The following CYP2R1 variants were observed in gnomAD, a reference collection of about 807,000 sequenced individuals.
CYP2R1 encodes the protein vitamin D 25-hydroxylase.
CYP2R1 carries 40 observed loss-of-function variants against 45.7 expected under a neutral mutation model. The observed-to-expected ratio is 0.87, with a 90% CI of 0.68 to 1.14. The LOEUF (loss-of-function observed/expected upper bound fraction) is 1.14, where lower values mean the gene tolerates loss of function less well. Ranked by LOEUF, CYP2R1 falls within the 50% of genes most tolerant of loss-of-function variation. The pLI is 0.00. For synonymous variants in CYP2R1, 234 were observed against 219.3 expected (o/e 1.07, Z -0.59); for missense variants, 605 against 602.6 (o/e 1.00, Z -0.04).
In CYP2R1 at chr11:14,892,174, G is replaced by T. The variant is rs370739004; in HGVS notation, c.32C>A (p.Ala11Glu). Residue 11 changes from alanine to glutamate, a missense_variant, in exon 1 of 5, where the codon GCG becomes GAG. Coordinates refer to ENST00000334636, the MANE Select transcript of CYP2R1 (RefSeq NM_024514.5). Reference sequence around the variant, plus strand: ...GAAGAGCGCGCCGCCGAGCGCCGCCGCGCCCTCTTCAGCTCTCCAAAGCTT... The same window carrying T: ...GAAGAGCGCGCCGCCGAGCGCCGCCTCGCCCTCTTCAGCTCTCCAAAGCTT... MWKLWRAEEG[A>E]AALGGALFLL... 6.2e-7 allele frequency: 1 copy of T among 1,610,672 alleles called. No individual in the cohort carries two copies. Among genetic ancestry groups the T allele is most frequent in the African/African-American group, 1.3e-5 (1 of 74,890 alleles).
Position 14,878,111 on chromosome 11 carries a change from C to G in CYP2R1, c.*11G>C, listed in dbSNP as rs1555010209. 6.2e-7 allele frequency: 1 copy of G among 1,612,618 alleles called. No individual in the cohort carries two copies. Among genetic ancestry groups the G allele is most frequent in the Non-Finnish European group, 8.5e-7 (1 of 1,179,194 alleles). ...TATACATTCTTGTTCCCGAAAACATCCCAGGCAGTTTCAGCGTCTTTCAGC... is the reference window on the plus strand; with the variant it reads ...TATACATTCTTGTTCCCGAAAACATGCCAGGCAGTTTCAGCGTCTTTCAGC... On this transcript the variant is annotated 3_prime_UTR_variant, in exon 5 of 5. Transcript: ENST00000334636.
At chr11:14,886,022 G>T in intron 1 of CYP2R1, 105 bp from the exon 2 acceptor site, 1 of 1,138,514 alleles carries the variant, frequency 8.8e-7, no homozygotes, top group South Asian at 1.3e-5. Flanking sequence ...GATTTGTTAC[G>T]TCCCTGAAAA....
At chr11:14,888,304 A>G (rs1413606123) in intron 1 of CYP2R1, among the ~76,000 whole-genome samples, 1 of 152,230 alleles carries the variant, frequency 6.6e-6, no homozygotes, top group Non-Finnish European at 1.5e-5. Flanking sequence ...TCTAGCACCT[A>G]GGACAGTGCA....
chr11:14,885,760 G>A lies in CYP2R1; in HGVS notation c.367+16C>T. 6.2e-7 allele frequency: 1 copy of A among 1,610,746 alleles called. No homozygotes were observed. Among genetic ancestry groups the A allele is most frequent in the Non-Finnish European group, 8.5e-7 (1 of 1,178,796 alleles). On this transcript the variant is annotated intron_variant, in intron 2 of 4. Transcript: ENST00000334636. Reference sequence around the variant, plus strand: ...AATATCTTAGTAAATCACTAAATAGGTGCAAATAAACATACCTCCCATTTT... The same window carrying A: ...AATATCTTAGTAAATCACTAAATAGATGCAAATAAACATACCTCCCATTTT...
chr11:14,879,717 T>C (rs2134017991), intron 3 of CYP2R1, among the ~76,000 whole-genome samples: 1 of 152,258 alleles, frequency 6.6e-6, no homozygotes, highest in East Asian at 1.9e-4. Flanking sequence ...TCTATTGAAA[T>C]ATATGCTATA....
At chr11:14,888,941 T>G (rs1191234630) in intron 1 of CYP2R1, among the ~76,000 whole-genome samples, 1 of 152,224 alleles carries the variant, frequency 6.6e-6, no homozygotes. Context: ...AGACTAAGAT[T>G]AAAGTTACTG....
At chr11:14,883,399 T>C in intron 2 of CYP2R1, among the ~76,000 whole-genome samples, 1 of 152,172 alleles carries the variant, frequency 6.6e-6, no homozygotes, top group Non-Finnish European at 1.5e-5. Flanking sequence ...AACTATCTGA[T>C]CTTTGACGAA....
rs782298677 is a variant in CYP2R1 at position 14,892,065 on chromosome 11, T to C, written c.141A>G (p.Pro47=). ...CCAGGGAATAGATGTTGCCGATAAA[T>C]GGCAGCCCCGGCGGCCCCGGGGGGA... ...MGFPPGPPGL[P]FIGNIYSLAA... Residue 47 remains proline, a synonymous_variant, in exon 1 of 5, where the codon CCA becomes CCG. Transcript: ENST00000334636. 3.1e-6 allele frequency: 5 copies of C among 1,612,226 alleles called. No individual in the cohort carries two copies. Among genetic ancestry groups the C allele is most frequent in the Admixed American group, 1.7e-5 (1 of 60,008 alleles).
chr11:14,889,032 A>C (rs576604750), intron 1 of CYP2R1, among the ~76,000 whole-genome samples: 19 of 152,344 alleles, frequency 1.2e-4, no homozygotes, highest in African/African-American at 4.3e-4. Flanking sequence ...GATTGCCTTT[A>C]AAATGAATAT....
chr11:14,891,943 T>G (rs1555017191), intron 1 of CYP2R1, 38 bp downstream of exon 1: 1 of 1,603,056 alleles, frequency 6.2e-7, no homozygotes. Flanking sequence ...CGGGCCAGCC[T>G]GGCGGCCCTC....
In CYP2R1 at chr11:14,879,248, G is replaced by C; in HGVS notation, c.1196C>G (p.Thr399Arg). Residue 399 changes from threonine (T) to arginine (R), a missense_variant, in exon 4 of 5, where the codon ACA (threonine) becomes AGA (arginine). Transcript: ENST00000334636. ...TACAGAATAAAGATTTGTAATTACT[G>C]TTGTGCCTTTAGGAATGGAATAACC... Reference protein sequence around the residue: ...VRGYSIPKGTTVITNLYSVHF... With the variant: ...VRGYSIPKGTRVITNLYSVHF... 1.2e-6 allele frequency: 2 copies of C among 1,613,224 alleles called. No homozygotes were observed. Among genetic ancestry groups the C allele is most frequent in the South Asian group, 1.1e-5 (1 of 91,070 alleles).
intron 1 of CYP2R1, among the ~76,000 whole-genome samples, chr11:14,888,376 A>T (rs1555015389): frequency 6.6e-6 from 1 of 152,206 alleles, no homozygotes; most frequent in Non-Finnish European, 1.5e-5. Context: ...ATACATTTAA[A>T]CATATTATTA....
intron 2 of CYP2R1, among the ~76,000 whole-genome samples, chr11:14,883,120 A>G (rs1848458896): frequency 1.3e-5 from 2 of 152,192 alleles, no homozygotes; most frequent in East Asian, 1.9e-4. Context: ...AAGGTAATTT[A>G]TAGATTCAAT....
chr11:14,882,319 C>T (rs572203424), intron 2 of CYP2R1, among the ~76,000 whole-genome samples: 1 of 152,180 alleles, frequency 6.6e-6, no homozygotes, highest in African/African-American at 2.4e-5. Flanking sequence ...CAGCAAAATG[C>T]TCACTGAGAA....
chr11:14,878,976 C>T, intron 4 of CYP2R1, 138 bp downstream of exon 4: 1 of 727,572 alleles, frequency 1.4e-6, no homozygotes, highest in Non-Finnish European at 2.3e-6. Flanking sequence ...TAATCATTCT[C>T]TCCTGTTAGA....
At position 14,878,271 on chromosome 11, in the gene CYP2R1, A is replaced by G. The variant is rs1555010398; in HGVS notation, c.1357T>C (p.Leu453=). 6.2e-7 allele frequency: 1 copy of G among 1,613,090 alleles called. No homozygotes were observed. The highest frequency in any genetic ancestry group is 2.2e-5 in the East Asian group (1 of 44,866). Residue 453 remains leucine, a synonymous_variant, in exon 5 of 5, where the codon TTG becomes CTG. Coordinates refer to ENST00000334636, the MANE Select transcript of CYP2R1 (RefSeq NM_024514.5). ...AACAAGAACATTTCCATCCGAGCCAAGTGTTCTCCAAGACAATGTCTTCTT... is the reference window on the plus strand; with the variant it reads ...AACAAGAACATTTCCATCCGAGCCAGGTGTTCTCCAAGACAATGTCTTCTT... The part of the protein sequence containing the change: ...LGRRHCLGEH[L]ARMEMFLFFT...
chr11:14,879,035 G>T, intron 4 of CYP2R1, 79 bp downstream of exon 4: 2 of 1,126,820 alleles, frequency 1.8e-6, no homozygotes, highest in African/African-American at 1.5e-5. Flanking sequence ...ATAGAAGGAT[G>T]CTTCAGATTA....
intron 4 of CYP2R1, among the ~76,000 whole-genome samples, 190 bp downstream of exon 4, chr11:14,878,924 A>T (rs1555010681): frequency 6.6e-6 from 1 of 152,136 alleles, no homozygotes; most frequent in Non-Finnish European, 1.5e-5. Flanking sequence ...TAATAAATTA[A>T]GGCTTATATT....
At chr11:14,890,022 G>A (rs1848771560) in intron 1 of CYP2R1, among the ~76,000 whole-genome samples, 1 of 152,042 alleles carries the variant, frequency 6.6e-6, no homozygotes. Context: ...CCAGCTACTC[G>A]GGAGGCTGAG....
Sources: allele counts gnomAD v4.1 joint callset (sites outside exome capture counted in the v4.1 genomes callset), GRCh38; gene constraint gnomAD v4.1.1; transcripts MANE v1.5; gene names NCBI Gene and HGNC (gene_info 2026-07-23, HGNC 2026-07-21).